PCDHA2: variants seen among roughly 807,000 people sequenced by gnomAD.
The protein encoded by PCDHA2 is protocadherin alpha 2.
Under a neutral mutation model 66.0 loss-of-function variants are expected in PCDHA2, and 58 were observed. The observed-to-expected ratio is 0.88, with a 90% CI of 0.71 to 1.09. The LOEUF is 1.09. Among genes scored for constraint, PCDHA2 ranks in the 50% least tolerant of loss-of-function variants. The pLI, the probability that PCDHA2 is intolerant of heterozygous loss-of-function variation, is 0.00. For synonymous variants in PCDHA2, 634 were observed against 554.0 expected, an observed-to-expected ratio of 1.14 and a Z score of -2.03; for missense variants, 1,267 against 1,242.3, an observed-to-expected ratio of 1.02 and a Z score of -0.30.
At chr5:140,809,040 C>A in intron 1 of PCDHA2, 1 of 1,613,822 alleles carries the variant, frequency 6.2e-7, no homozygotes, top group South Asian at 1.1e-5. Flanking sequence ...ACTGGTGGCG[C>A]GCGCATCCCG....
chr5:140,805,240 C>T, intron 1 of PCDHA2: 2 of 1,345,592 alleles, frequency 1.5e-6, no homozygotes, highest in Non-Finnish European at 1.9e-6. Context: ...CATTCCCCAT[C>T]TGTACATTAA....
intron 1 of PCDHA2, among the ~76,000 whole-genome samples, chr5:140,832,761 A>T (rs1003830493): frequency 6.6e-5 from 10 of 152,344 alleles, no homozygotes; most frequent in African/African-American, 2.4e-4. Flanking sequence ...AAAAGCAAGA[A>T]TATTGTAAGA....
rs557640687 is a variant in PCDHA2 at position 140,964,686 on chromosome 5, C to T, written c.2389-14263C>T. 7.2e-5 allele frequency among the ~76,000 whole-genome samples: 11 copies of T among 151,874 alleles called. No individual in the cohort carries two copies. In the East Asian group the frequency reaches 2.1e-3, roughly 29 times the overall value. On this transcript the variant is annotated intron_variant, in intron 1 of 3. Coordinates refer to ENST00000526136, the MANE Select transcript of PCDHA2 (RefSeq NM_018905.3). ...ACAGGCCAGGTCCACAATTTGTGCA[C>T]TTGAGAGATTAAGGCCTCCGAGATC...
At chr5:140,887,629 T>C (rs2061519169) in intron 1 of PCDHA2, among the ~76,000 whole-genome samples, 1 of 152,128 alleles carries the variant, frequency 6.6e-6, no homozygotes, top group Non-Finnish European at 1.5e-5. Flanking sequence ...TTTATGTTAG[T>C]CTGTTGGGGT....
intron 1 of PCDHA2, among the ~76,000 whole-genome samples, chr5:140,798,817 A>G (rs1229812545): frequency 1.3e-5 from 2 of 152,196 alleles, no homozygotes; most frequent in Admixed American, 1.3e-4. Context: ...TTTTCCAACC[A>G]AAGGCAGATG....
intron 1 of PCDHA2, chr5:140,967,401 G>C: frequency 6.2e-7 from 1 of 1,611,944 alleles, no homozygotes; most frequent in Non-Finnish European, 8.5e-7. Context: ...CTGGTGCTGC[G>C]TAAGGGCCTA....
chr5:140,858,776 C>T, intron 1 of PCDHA2: 1 of 420,692 alleles, frequency 2.4e-6, no homozygotes, highest in Non-Finnish European at 4.3e-6. Flanking sequence ...GAGATTAGTA[C>T]TTCATGTTAT....
intron 1 of PCDHA2, chr5:140,967,413 A>C: frequency 6.2e-7 from 1 of 1,613,218 alleles, no homozygotes; most frequent in Non-Finnish European, 8.5e-7. Context: ...AAGGGCCTAG[A>C]CCGGGAGCAG....
At chr5:140,871,861 T>C (rs1554165885) in intron 1 of PCDHA2, among the ~76,000 whole-genome samples, 1 of 152,272 alleles carries the variant, frequency 6.6e-6, no homozygotes, top group East Asian at 1.9e-4. Flanking sequence ...ATAATAACTA[T>C]GGATTATTTA....
chr5:141,003,574 A>T (rs559561339), intron 3 of PCDHA2, among the ~76,000 whole-genome samples: 1 of 151,680 alleles, frequency 6.6e-6, no homozygotes, highest in African/African-American at 2.4e-5. Context: ...CAGACTCCCA[A>T]AGTGCTGGGA....
Position 140,795,303 on chromosome 5 carries a change from G to T in PCDHA2, c.339G>T (p.Pro113=). 1.2e-6 allele frequency: 2 copies of T among 1,614,238 alleles called. No individual in the cohort carries two copies. The highest frequency in any genetic ancestry group is 1.7e-6 in the Non-Finnish European group (2 of 1,180,036). ...SIHVEVIVDR[P]LQVFHVEVEV... ...ACGTGGAGGTGATCGTGGACAGGCC[G>T]CTGCAGGTTTTCCATGTGGAAGTGG... is the stretch of plus-strand genomic sequence containing the variant. Residue 113 remains proline, a synonymous_variant, in exon 1 of 4, where the codon CCG becomes CCT. Coordinates refer to ENST00000526136, the MANE Select transcript of PCDHA2 (RefSeq NM_018905.3).
intron 1 of PCDHA2, chr5:140,967,124 A>G (rs782387198): frequency 1.2e-6 from 2 of 1,612,200 alleles, no homozygotes; most frequent in South Asian, 2.2e-5. Context: ...CTGCCTGCTC[A>G]GCTTGGAAGT....
chr5:140,841,421 T>C, intron 1 of PCDHA2: 6 of 1,612,988 alleles, frequency 3.7e-6, no homozygotes, highest in Non-Finnish European at 5.1e-6. Context: ...GCTCCACTAC[T>C]CCGTCCCCGA....
At chr5:140,922,980 A>G (rs2081098580) in intron 1 of PCDHA2, among the ~76,000 whole-genome samples, 1 of 152,244 alleles carries the variant, frequency 6.6e-6, no homozygotes, top group African/African-American at 2.4e-5. Flanking sequence ...TATCTCAGAC[A>G]ATAGGCAAGC....
intron 1 of PCDHA2, 78 bp from the exon 2 acceptor site, chr5:140,978,871 T>G: frequency 6.2e-7 from 1 of 1,606,510 alleles, no homozygotes; most frequent in Non-Finnish European, 8.5e-7. Context: ...TTTAAGGGAG[T>G]AACTAATCAA....
chr5:140,846,510 G>A (rs1179802495), intron 1 of PCDHA2, among the ~76,000 whole-genome samples: 11 of 147,866 alleles, frequency 7.4e-5, no homozygotes, highest in African/African-American at 2.7e-4. Flanking sequence ...AAGTAGCTGG[G>A]ATTACAGGTG....
At chr5:140,821,639 G>T (rs1554128143) in intron 1 of PCDHA2, 6 of 1,031,504 alleles carry the variant, frequency 5.8e-6, no homozygotes, top group South Asian at 5.2e-5. Flanking sequence ...GAAAGGAAAA[G>T]AACCTTCCAT....
At chr5:140,947,153 C>T (rs1306730368) in intron 1 of PCDHA2, among the ~76,000 whole-genome samples, 4 of 150,836 alleles carry the variant, frequency 2.7e-5, no homozygotes, top group African/African-American at 4.9e-5. Context: ...GTTACTTCCA[C>T]GGGGTAGAAA....
intron 3 of PCDHA2, among the ~76,000 whole-genome samples, chr5:140,997,836 A>G (rs1335199291): frequency 3.3e-5 from 5 of 152,222 alleles, no homozygotes; most frequent in South Asian, 4.1e-4. Flanking sequence ...AAACAATACA[A>G]TATACATTCT....
Sources: allele counts gnomAD v4.1 joint callset (sites outside exome capture counted in the v4.1 genomes callset), GRCh38; gene constraint gnomAD v4.1.1; transcripts MANE v1.5; gene names NCBI Gene and HGNC (gene_info 2026-07-23, HGNC 2026-07-21).